HELLS: variants seen among roughly 807,000 people sequenced by gnomAD.
HELLS encodes helicase, lymphoid specific, also known as lymphoid-specific helicase.
Under a neutral mutation model 120.0 loss-of-function variants are expected in HELLS, and 32 were observed. The observed-to-expected ratio is 0.27, with a 90% CI of 0.20 to 0.36. The LOEUF (loss-of-function observed/expected upper bound fraction) is 0.36, where lower values mean the gene tolerates loss of function less well. Ranked by LOEUF, HELLS falls within the 10% of genes least tolerant of loss-of-function variation. The pLI is 1.00. For missense variants in HELLS, 650 were observed against 993.4 expected, an observed-to-expected ratio of 0.65 and a Z score of 4.65; for synonymous variants, 341 against 323.4, an observed-to-expected ratio of 1.05 and a Z score of -0.58.
At chr10:94,562,028 G>A (rs1258041754) in intron 4 of HELLS, among the ~76,000 whole-genome samples, 1 of 150,736 alleles carries the variant, frequency 6.6e-6, no homozygotes, top group Non-Finnish European at 1.5e-5. Context: ...TGATCTGCCC[G>A]CCTCTGCCTC....
At chr10:94,592,014 T>A (rs1845511823) in intron 15 of HELLS, among the ~76,000 whole-genome samples, 1 of 152,178 alleles carries the variant, frequency 6.6e-6, no homozygotes, top group Non-Finnish European at 1.5e-5. Flanking sequence ...AAAGTTATAT[T>A]TGTACTTTGT....
At chr10:94,610,780 G>T in exon 10 of HELLS, 1 of 152,258 alleles carries the variant, frequency 6.6e-6, no homozygotes, top group Non-Finnish European at 1.5e-5. Context: ...AGTAGAGACG[G>T]GGTTTCGCCA....
exon 10 of HELLS, chr10:94,613,257 A>G (rs1846211880): frequency 6.6e-6 from 1 of 152,226 alleles, no homozygotes. Flanking sequence ...TGCCATTCTC[A>G]TAATGTGGCA....
intron 3 of HELLS, 55 bp from the exon 4 acceptor site, chr10:94,558,084 T>G: frequency 6.5e-7 from 1 of 1,537,254 alleles, no homozygotes; most frequent in Non-Finnish European, 8.7e-7. Flanking sequence ...GATATGCGTT[T>G]TTTTTTTAAA....
chr10:94,585,362 G>GTTTTTTTTT (rs11288915), intron 12 of HELLS, among the ~76,000 whole-genome samples: 1 of 121,062 alleles, frequency 8.3e-6, no homozygotes, highest in Non-Finnish European at 1.8e-5. Context: ...TTTTTGTTTT[G>GTTTTTTTTT]TTTTTTTTTT....
At chr10:94,586,253 T>A (rs1845140530) in intron 12 of HELLS, among the ~76,000 whole-genome samples, 1 of 152,054 alleles carries the variant, frequency 6.6e-6, no homozygotes, top group Non-Finnish European at 1.5e-5. Flanking sequence ...CCCGAGTAGC[T>A]GGGACTACAG....
chr10:94,595,979 T>C (rs980003549), intron 19 of HELLS, among the ~76,000 whole-genome samples: 5 of 152,184 alleles, frequency 3.3e-5, no homozygotes, highest in Non-Finnish European at 7.3e-5. Context: ...GGAACTTGCA[T>C]TGGGGAAAAA....
intron 3 of HELLS, among the ~76,000 whole-genome samples, chr10:94,557,899 C>T (rs1012119448): frequency 2.6e-5 from 4 of 152,160 alleles, no homozygotes; most frequent in African/African-American, 9.7e-5. Flanking sequence ...CAGTCCGTTA[C>T]TGCATGTTGT....
intron 6 of HELLS, among the ~76,000 whole-genome samples, chr10:94,566,444 A>C (rs1461010702): frequency 6.6e-6 from 1 of 152,150 alleles, no homozygotes; most frequent in East Asian, 1.9e-4. Flanking sequence ...GAAGTAAATT[A>C]TATTTGCCTC....
chr10:94,549,304 G>A (rs545709716), intron 2 of HELLS, among the ~76,000 whole-genome samples: 31 of 152,280 alleles, frequency 2.0e-4, no homozygotes, highest in Non-Finnish European at 3.8e-4. Context: ...GTATTTAGAA[G>A]TACTTAACAG....
At chr10:94,559,822 G>A (rs1843462721) in intron 4 of HELLS, among the ~76,000 whole-genome samples, 1 of 152,130 alleles carries the variant, frequency 6.6e-6, no homozygotes, top group Non-Finnish European at 1.5e-5. Context: ...AAACAGGGTT[G>A]TGTATCGTTT....
intron 10 of HELLS, among the ~76,000 whole-genome samples, chr10:94,578,501 A>G (rs936553505): frequency 6.6e-6 from 1 of 152,126 alleles, no homozygotes; most frequent in Non-Finnish European, 1.5e-5. Context: ...GTTTGAGACC[A>G]TCCTGGCCAA....
intron 6 of HELLS, 85 bp downstream of exon 6, chr10:94,562,961 A>G: frequency 2.6e-6 from 2 of 761,836 alleles, no homozygotes; most frequent in Admixed American, 2.6e-5. Flanking sequence ...TAAAGATTGA[A>G]TATTCAATAT....
At chr10:94,595,016 T>A (rs896329103) in intron 19 of HELLS, among the ~76,000 whole-genome samples, 162 bp downstream of exon 19, 1 of 152,054 alleles carries the variant, frequency 6.6e-6, no homozygotes. Context: ...GATCACGAGG[T>A]CAGGAGTTCG....
rs529889268 is a variant in HELLS at position 94,553,877 on chromosome 10, C to A, written c.154-249C>A. Among the ~76,000 whole-genome samples, 16 of 152,218 alleles carry A rather than the reference C, an allele frequency of 1.1e-4. 1 individual carries two copies. The South Asian group carries it at 3.3e-3, about 32-fold the overall frequency. ...ATTGTTTTTTAAATGGACCTTCCAACTCAGTAGTGCCAGAAACCATGTGTT... is the reference window on the plus strand; with the variant it reads ...ATTGTTTTTTAAATGGACCTTCCAAATCAGTAGTGCCAGAAACCATGTGTT... On this transcript the variant is annotated intron_variant, in intron 2 of 21. Coordinates refer to ENST00000348459, the MANE Select transcript of HELLS (RefSeq NM_018063.5).
chr10:94,565,375 A>G (rs1333771269), intron 6 of HELLS, among the ~76,000 whole-genome samples: 1 of 151,614 alleles, frequency 6.6e-6, no homozygotes, highest in Middle Eastern at 3.2e-3. Flanking sequence ...TCATTATGGT[A>G]TCTATTCAAC....
intron 6 of HELLS, 144 bp downstream of exon 6, chr10:94,563,020 A>C (rs767645292): frequency 5.0e-6 from 3 of 600,126 alleles, no homozygotes; most frequent in Non-Finnish European, 8.7e-6. Flanking sequence ...TTATAGGTGA[A>C]GCTGCCAAAA....
At chr10:94,549,265 T>C (rs1156976269) in intron 2 of HELLS, among the ~76,000 whole-genome samples, 2 of 152,176 alleles carry the variant, frequency 1.3e-5, no homozygotes, top group Non-Finnish European at 2.9e-5. Context: ...ATTCCTTTTC[T>C]TTTGGGAGAA....
At chr10:94,546,977 C>T (rs990603978) in intron 2 of HELLS, among the ~76,000 whole-genome samples, 4 of 152,182 alleles carry the variant, frequency 2.6e-5, no homozygotes, top group Non-Finnish European at 5.9e-5. Flanking sequence ...GTGCTGTTTT[C>T]CACCTAAGTG....
Sources: allele counts gnomAD v4.1 joint callset (sites outside exome capture counted in the v4.1 genomes callset), GRCh38; gene constraint gnomAD v4.1.1; transcripts MANE v1.5; gene names NCBI Gene and HGNC (gene_info 2026-07-23, HGNC 2026-07-21).